Variants in CCT4 observed in about 807,000 individuals in gnomAD.
CCT4 encodes T-complex protein 1 subunit delta.
A neutral mutation model predicts 62.5 loss-of-function variants in CCT4; 17 were observed. That is an observed-to-expected ratio of 0.27 (90% CI 0.19 to 0.41). The LOEUF is 0.41. Ranked by LOEUF, CCT4 falls within the 10% of genes least tolerant of loss-of-function variation. The pLI is 1.00. For missense variants in CCT4, 592 were observed against 659.2 expected (o/e 0.90, Z 1.12); for synonymous variants, 250 against 229.9 (o/e 1.09, Z -0.79).
At chr2:61,872,714 T>C in intron 10 of CCT4, 126 bp from the exon 11 acceptor site, 2 of 888,166 alleles carry the variant, frequency 2.3e-6, no homozygotes, top group Non-Finnish European at 3.5e-6. Context: ...GCTAACGAGG[T>C]GAGGAGATCG....
intron 10 of CCT4, among the ~76,000 whole-genome samples, 193 bp from the exon 11 acceptor site, chr2:61,872,781 G>A (rs538697426): frequency 6.6e-6 from 1 of 152,260 alleles, no homozygotes; most frequent in East Asian, 1.9e-4. Flanking sequence ...CAAAAAATTA[G>A]CAGGGCGTGG....
At chr2:61,877,310 T>G (rs1669021547) in intron 6 of CCT4, 83 bp downstream of exon 6, 1 of 1,332,526 alleles carries the variant, frequency 7.5e-7, no homozygotes, top group Admixed American at 2.1e-5. Flanking sequence ...CTTTGTGACT[T>G]TCATCTAGGT....
In CCT4 at chr2:61,878,916, C is replaced by G; in HGVS notation, c.475G>C (p.Asp159His). 6.2e-7 allele frequency: 1 copy of G among 1,611,546 alleles called. No individual in the cohort carries two copies. The highest frequency in any genetic ancestry group is 8.5e-7 in the Non-Finnish European group (1 of 1,178,330). ...GCACTATTTAACAAAGTTTCTCTGT[C>G]ACTCAGTTCCACAGGTCGAGACATG... ...TDMSRPVELS[D>H]RETLLNSATT... Residue 159 changes from aspartate to histidine, a missense_variant, in exon 5 of 14, where the codon GAC (aspartate) becomes CAC (histidine). By Grantham distance (81) the Asp-to-His change is moderately conservative. Coordinates refer to ENST00000394440, the MANE Select transcript of CCT4 (RefSeq NM_006430.4).
chr2:61,883,320 C>T, intron 3 of CCT4, 139 bp downstream of exon 3: 2 of 550,894 alleles, frequency 3.6e-6, no homozygotes, highest in Non-Finnish European at 3.1e-6. Context: ...ACTCAGGAGG[C>T]TGAGGCAGGA....
chr2:61,873,519 A>T (rs955427615), intron 8 of CCT4, among the ~76,000 whole-genome samples: 1 of 152,114 alleles, frequency 6.6e-6, no homozygotes, highest in Non-Finnish European at 1.5e-5. Context: ...ATGACACTAT[A>T]AAACACACGA....
At chr2:61,888,033 T>C (rs935864642) in intron 1 of CCT4, 6 of 224,332 alleles carry the variant, frequency 2.7e-5, no homozygotes, top group Middle Eastern at 1.4e-3. Context: ...CCAGTTCCAA[T>C]AAGCAATAAG....
Position 61,880,366 on chromosome 2 carries a change from A to G in CCT4, c.299T>C (p.Ile100Thr), listed in dbSNP as rs202108828. The G allele has an allele frequency of 2.5e-4, 399 of 1,606,612 alleles. 1 individual carries two copies. The highest frequency in any genetic ancestry group is 3.1e-4 in the Non-Finnish European group (370 of 1,177,650). ...MLVELSKAQD[I>T]EAGDGTTSVV... ...TGATGTGGTGCCATCTCCTGCTTCTATATCTTGAGCCTTAGACAGCTCCAC... is the reference window on the plus strand; with the variant it reads ...TGATGTGGTGCCATCTCCTGCTTCTGTATCTTGAGCCTTAGACAGCTCCAC... Residue 100 changes from isoleucine to threonine, a missense_variant, in exon 4 of 14, where the codon ATA becomes ACA. By Grantham distance (89) the Ile-to-Thr change is moderately conservative (BLOSUM62 -1). Transcript: ENST00000394440.
At chr2:61,882,459 A>G (rs933293921) in intron 3 of CCT4, among the ~76,000 whole-genome samples, 6 of 152,090 alleles carry the variant, frequency 3.9e-5, no homozygotes, top group Admixed American at 2.6e-4. Context: ...AGAACACAAT[A>G]ATCATATGAA....
intron 8 of CCT4, among the ~76,000 whole-genome samples, chr2:61,874,326 G>C (rs1040012295): frequency 6.6e-6 from 1 of 152,020 alleles, no homozygotes; most frequent in African/African-American, 2.4e-5. Context: ...GCGTCTATTA[G>C]GAAAAAATAC....
In CCT4 at chr2:61,868,452, T is replaced by A. The variant is rs1025696311; in HGVS notation, c.*240A>T. ...TTTACGCTTCTTTTATTAGTTTTTA[T>A]TAGTTTTTCAAAAGTATCAGAAATA... On this transcript the variant is annotated 3_prime_UTR_variant, in exon 14 of 14. Coordinates refer to ENST00000394440, the MANE Select transcript of CCT4 (RefSeq NM_006430.4). 1 of 478,142 alleles carries A rather than the reference T, an allele frequency of 2.1e-6. No homozygotes were observed. Among genetic ancestry groups the A allele is most frequent in the Non-Finnish European group, 3.7e-6 (1 of 268,602 alleles). 29.6% of individuals were successfully genotyped at this position (478,142 alleles called of 1,614,324 possible).
chr2:61,876,337 C>A, intron 7 of CCT4, 103 bp from the exon 8 acceptor site: 1 of 771,406 alleles, frequency 1.3e-6, no homozygotes, highest in Admixed American at 2.7e-5. Flanking sequence ...TCAACCAAAA[C>A]TATATCAAGT....
chr2:61,878,053 A>G (rs936130682), intron 5 of CCT4, among the ~76,000 whole-genome samples: 1 of 152,220 alleles, frequency 6.6e-6, no homozygotes, highest in Non-Finnish European at 1.5e-5. Context: ...AAACACAAGC[A>G]GTCTAGACTC....
intron 5 of CCT4, 34 bp from the exon 6 acceptor site, chr2:61,877,548 C>T: frequency 6.8e-7 from 1 of 1,466,044 alleles, no homozygotes. Context: ...AAGTTACCTT[C>T]ACAGTAGAAA....
intron 2 of CCT4, among the ~76,000 whole-genome samples, chr2:61,884,493 T>G (rs947906699): frequency 6.6e-6 from 1 of 151,786 alleles, no homozygotes; most frequent in African/African-American, 2.4e-5. Flanking sequence ...GTATTTTTAG[T>G]AGAGACGGGG....
At chr2:61,877,636 G>C (rs1669029433) in intron 5 of CCT4, 122 bp from the exon 6 acceptor site, 2 of 664,670 alleles carry the variant, frequency 3.0e-6, no homozygotes, top group African/African-American at 1.8e-5. Flanking sequence ...GGTATGAAGA[G>C]GGAAACACTC....
At position 61,888,315 on chromosome 2, in the gene CCT4, C is replaced by G. The variant is rs1553363841; in HGVS notation, c.127+66G>C. 8 of 1,559,448 alleles carry G rather than the reference C, an allele frequency of 5.1e-6. No individual in the cohort carries two copies. In the South Asian group the frequency reaches 8.1e-5, roughly 16 times the overall value. The stretch of plus-strand genomic sequence containing the variant: ...AAATGGGAAATGAGCCAAACCCGCT[C>G]AAGCCCACGATGAGAGCGCAGAGCA... On this transcript the variant is annotated intron_variant, in intron 1 of 13. Transcript: ENST00000394440.
At chr2:61,868,789 G>A in intron 13 of CCT4, 83 bp from the exon 14 acceptor site, 1 of 990,514 alleles carries the variant, frequency 1.0e-6, no homozygotes, top group Non-Finnish European at 1.6e-6. Flanking sequence ...TTAATAAAAG[G>A]AAAACCTGTA....
intron 1 of CCT4, among the ~76,000 whole-genome samples, chr2:61,887,193 G>A (rs1192126476): frequency 6.6e-6 from 1 of 152,042 alleles, no homozygotes; most frequent in East Asian, 1.9e-4. Flanking sequence ...CCTAAATCTG[G>A]CCATTCTGAC....
At chr2:61,871,965 A>G (rs755028246) in intron 12 of CCT4, 117 bp downstream of exon 12, 28 of 691,510 alleles carry the variant, frequency 4.0e-5, no homozygotes, top group Non-Finnish European at 6.2e-5. Context: ...AGCAGGCCTC[A>G]TATTTAAATC....
Sources: gnomAD v4.1 joint callset for allele counts (sites outside exome capture counted in the v4.1 genomes callset) on GRCh38, gnomAD v4.1.1 for gene constraint, MANE v1.5 for transcripts, NCBI Gene and HGNC (gene_info 2026-07-23, HGNC 2026-07-21) for gene names.